SYTL5: variants seen among roughly 807,000 people sequenced by gnomAD.
SYTL5 encodes synaptotagmin-like protein 5.
In SYTL5, 34 loss-of-function variants were observed where a neutral mutation model predicts 55.9. That is an observed-to-expected ratio of 0.61 (90% CI 0.46 to 0.81). The LOEUF (loss-of-function observed/expected upper bound fraction) is 0.81, where lower values mean the gene tolerates loss of function less well. SYTL5 is among the 30% of genes least tolerant of loss of function. The pLI is 0.00. For missense variants in SYTL5, 637 were observed against 546.7 expected (o/e 1.17, Z -1.65); for synonymous variants, 221 against 188.7 (o/e 1.17, Z -1.40).
chrX:37,997,645 C>A, the SYTL5 span, among the ~76,000 whole-genome samples: 1 of 112,212 alleles, frequency 8.9e-6, no homozygotes, highest in Non-Finnish European at 1.9e-5. Context: ...CAATGGGGGG[C>A]CAAGGACAGC....
intron 10 of SYTL5, chrX:38,103,189 T>G: frequency 1.7e-6 from 1 of 590,558 alleles, no homozygotes; most frequent in Non-Finnish European, 2.6e-6. Flanking sequence ...ACATTTATCT[T>G]TTTCCGACTT....
chrX:37,983,825 T>A, the SYTL5 span, among the ~76,000 whole-genome samples: 1 of 110,850 alleles, frequency 9.0e-6, no homozygotes, highest in African/African-American at 3.3e-5. Context: ...TACAAACAAA[T>A]AACAGAAAGA....
At chrX:37,896,590 T>A in the SYTL5 span, among the ~76,000 whole-genome samples, 1 of 111,527 alleles carries the variant, frequency 9.0e-6, no homozygotes, top group East Asian at 2.8e-4. Context: ...GAGATGACCA[T>A]GTGAATGAAT....
At chrX:38,000,763 A>G in the SYTL5 span, among the ~76,000 whole-genome samples, 4 of 111,966 alleles carry the variant, frequency 3.6e-5, no homozygotes, top group African/African-American at 1.3e-4. Flanking sequence ...GAGTGGAAGT[A>G]GCTCTCAGCA....
chrX:38,126,143 C>T lies in SYTL5; in HGVS notation c.2051-445C>T, dbSNP rs186967505. Among the ~76,000 whole-genome samples, 41 of 111,763 alleles carry T rather than the reference C, an allele frequency of 3.7e-4. 1 individual carries two copies. The highest frequency in any genetic ancestry group is 1.2e-3 in the African/African-American group (37 of 30,746). ...CATAGATGAGACCATCAGCATACAC[C>T]ATGGTAAACATTTCTGTTGAGGAAG... is the stretch of plus-strand genomic sequence containing the variant. On this transcript the variant is annotated intron_variant, in intron 16 of 16. Coordinates refer to ENST00000297875, the MANE Select transcript of SYTL5 (RefSeq NM_138780.3).
chrX:37,999,489 T>A, the SYTL5 span, among the ~76,000 whole-genome samples: 1 of 112,064 alleles, frequency 8.9e-6, no homozygotes, highest in Non-Finnish European at 1.9e-5. Flanking sequence ...AGGAGGCAGG[T>A]TACATACCAT....
intron 2 of SYTL5, among the ~76,000 whole-genome samples, chrX:38,050,127 C>A (rs1178112341): frequency 1.8e-5 from 2 of 111,781 alleles, no homozygotes; most frequent in Admixed American, 1.9e-4. Context: ...ATTAAAGATA[C>A]TTTATAAACT....
chrX:38,105,528 T>C (rs1937187298), intron 10 of SYTL5, among the ~76,000 whole-genome samples: 1 of 111,996 alleles, frequency 8.9e-6, no homozygotes, highest in Admixed American at 9.4e-5. Flanking sequence ...GAGTAGCCTC[T>C]CCAAAGGAGG....
chrX:37,957,452 TTG>T, the SYTL5 span, among the ~76,000 whole-genome samples: 1 of 111,985 alleles, frequency 8.9e-6, no homozygotes, highest in African/African-American at 3.2e-5. Flanking sequence ...TAGTGAATTT[TTG>T]TGTGTGGTGT....
At chrX:38,077,497 G>T (rs2147438531) in intron 6 of SYTL5, among the ~76,000 whole-genome samples, 1 of 110,948 alleles carries the variant, frequency 9.0e-6, no homozygotes, top group African/African-American at 3.3e-5. Flanking sequence ...AAGCAGAATT[G>T]CATTCTTCCC....
At chrX:37,906,772 T>G in the SYTL5 span, among the ~76,000 whole-genome samples, 1 of 112,291 alleles carries the variant, frequency 8.9e-6, no homozygotes, top group Admixed American at 9.4e-5. Context: ...TTTAGAAGAC[T>G]ATTGCTGGTT....
the SYTL5 span, among the ~76,000 whole-genome samples, chrX:37,898,353 C>G: frequency 2.1e-4 from 24 of 111,730 alleles, no homozygotes; most frequent in African/African-American, 6.2e-4. Context: ...TTTAGCACTG[C>G]CTGAACTCAG....
intron 3 of SYTL5, among the ~76,000 whole-genome samples, chrX:38,069,400 G>A (rs1054241928): frequency 3.6e-5 from 4 of 111,812 alleles, no homozygotes; most frequent in Non-Finnish European, 1.9e-5. Context: ...ATTCTGGGAA[G>A]AATCCACTTC....
intron 13 of SYTL5, among the ~76,000 whole-genome samples, chrX:38,115,479 G>A (rs1428536544): frequency 5.7e-5 from 3 of 52,930 alleles, no homozygotes; most frequent in African/African-American, 9.6e-5. Context: ...GCGAGACTCC[G>A]TCTCAAAAAA....
intron 3 of SYTL5, among the ~76,000 whole-genome samples, chrX:38,061,007 T>C (rs1048894448): frequency 8.9e-6 from 1 of 111,937 alleles, no homozygotes; most frequent in African/African-American, 3.2e-5. Context: ...GGATACAAAG[T>C]TGAATAAAAA....
At chrX:38,019,545 A>G (rs1167694858) in intron 1 of SYTL5, among the ~76,000 whole-genome samples, 1 of 112,393 alleles carries the variant, frequency 8.9e-6, no homozygotes, top group Non-Finnish European at 1.9e-5. Context: ...AATAGAAAAT[A>G]GAGAAGCCCC....
chrX:38,008,004 C>T (rs183655018), intron 1 of SYTL5, among the ~76,000 whole-genome samples: 68 of 111,432 alleles, frequency 6.1e-4, no homozygotes, highest in African/African-American at 1.9e-3. Context: ...AATTATTGAG[C>T]TTCTACCTCT....
the SYTL5 span, among the ~76,000 whole-genome samples, chrX:37,890,374 T>C: frequency 8.9e-6 from 1 of 112,134 alleles, no homozygotes; most frequent in Non-Finnish European, 1.9e-5. Flanking sequence ...CACTTCTGTC[T>C]TTAGATGAAT....
intron 7 of SYTL5, among the ~76,000 whole-genome samples, chrX:38,091,921 A>G (rs1158214712): frequency 8.9e-6 from 1 of 111,805 alleles, no homozygotes; most frequent in African/African-American, 3.3e-5. Flanking sequence ...GTATATATAC[A>G]TATACATAGG....
Sources: gnomAD v4.1 joint callset for allele counts (sites outside exome capture counted in the v4.1 genomes callset) on GRCh38, gnomAD v4.1.1 for gene constraint, MANE v1.5 for transcripts, NCBI Gene and HGNC (gene_info 2026-07-23, HGNC 2026-07-21) for gene names.